Variants in ZMIZ1 observed in about 807,000 individuals in gnomAD.
ZMIZ1 encodes the protein zinc finger MIZ domain-containing protein 1.
A neutral mutation model predicts 113.9 loss-of-function variants in ZMIZ1; 17 were observed. The ratio of observed to expected loss-of-function variants is 0.15; its 90% CI spans 0.10 to 0.22. The LOEUF (loss-of-function observed/expected upper bound fraction) is 0.22, where lower values mean the gene tolerates loss of function less well. Among genes scored for constraint, ZMIZ1 ranks in the 10% least tolerant of loss-of-function variants. The pLI is 1.00. For synonymous variants in ZMIZ1, 607 were observed against 603.1 expected (o/e 1.01, Z -0.09); for missense variants, 1,059 against 1,477.8 (o/e 0.72, Z 4.65).
chr10:79,185,413 GT>G (rs775096948), intron 4 of ZMIZ1, among the ~76,000 whole-genome samples: 39 of 152,170 alleles, frequency 2.6e-4, no homozygotes, highest in Admixed American at 1.0e-3. Flanking sequence ...GACATGTTTT[GT>G]TTTTTCTTAT....
chr10:79,223,590 G>T (rs941408933), intron 7 of ZMIZ1, among the ~76,000 whole-genome samples: 1 of 152,350 alleles, frequency 6.6e-6, no homozygotes, highest in East Asian at 1.9e-4. Context: ...CTGTTCACGC[G>T]CTCACCTCCC....
intron 7 of ZMIZ1, among the ~76,000 whole-genome samples, chr10:79,263,327 G>A (rs1368393270): frequency 6.6e-6 from 1 of 152,204 alleles, no homozygotes; most frequent in African/African-American, 2.4e-5. Context: ...TGAGAGTCTT[G>A]GCAATTAACC....
intron 2 of ZMIZ1, among the ~76,000 whole-genome samples, chr10:79,125,322 C>T (rs750774381): frequency 5.3e-5 from 8 of 152,274 alleles, no homozygotes; most frequent in East Asian, 3.9e-4. Context: ...GAGACCAGCC[C>T]GGGGGCACAC....
rs1052987398 is a variant in ZMIZ1 at position 79,314,220 on chromosome 10, G to C, written c.*1471G>C. The C allele has an allele frequency of 6.6e-6, 3 of 456,972 alleles. No homozygotes were observed. Among genetic ancestry groups the C allele is most frequent in the African/African-American group, 2.0e-5 (1 of 50,106 alleles). 28.3% of individuals were successfully genotyped at this position (456,972 alleles called of 1,614,324 possible). ...CCTGTCCTGTGTTCACTTTGTTTCA[G>C]GCTGGTCTGTGCCCCGTGAGCCACA... On this transcript the variant is annotated 3_prime_UTR_variant, in exon 25 of 25. Coordinates refer to ENST00000334512, the MANE Select transcript of ZMIZ1 (RefSeq NM_020338.4).
chr10:79,094,266 G>T (rs921051104), intron 1 of ZMIZ1, among the ~76,000 whole-genome samples: 4 of 152,242 alleles, frequency 2.6e-5, no homozygotes, highest in African/African-American at 4.8e-5. Context: ...TGCATGCCAG[G>T]TGCAGAGCCC....
At chr10:79,293,299 T>A in intron 11 of ZMIZ1, 82 bp from the exon 12 acceptor site, 1,760 of 970,582 alleles carry the variant, frequency 1.8e-3, no homozygotes, top group Non-Finnish European at 2.2e-3. Context: ...TCCCCAACCC[T>A]TCCCTCCCTG....
chr10:79,257,431 A>G (rs1482424439), intron 7 of ZMIZ1, among the ~76,000 whole-genome samples: 1 of 152,256 alleles, frequency 6.6e-6, no homozygotes, highest in Non-Finnish European at 1.5e-5. Context: ...GAGTTGGTGT[A>G]TCTGGAACCA....
intron 7 of ZMIZ1, among the ~76,000 whole-genome samples, chr10:79,239,094 G>A (rs1464209872): frequency 6.6e-6 from 1 of 152,230 alleles, no homozygotes; most frequent in Non-Finnish European, 1.5e-5. Context: ...AGGGGGGAAA[G>A]GGAGTGGGGA....
intron 8 of ZMIZ1, among the ~76,000 whole-genome samples, chr10:79,279,718 T>C (rs2104419): frequency 0.55 from 84,000 of 152,036 alleles, 24,132 homozygotes; most frequent in African/African-American, 0.72. Flanking sequence ...TCCGGCACCT[T>C]GGGAGGCTGA....
intron 7 of ZMIZ1, among the ~76,000 whole-genome samples, chr10:79,223,432 G>T (rs989549943): frequency 6.6e-6 from 1 of 152,246 alleles, no homozygotes; most frequent in Non-Finnish European, 1.5e-5. Flanking sequence ...GCTCAGCAAA[G>T]CTGGGATGTT....
At chr10:79,263,836 T>C (rs763252681) in intron 7 of ZMIZ1, among the ~76,000 whole-genome samples, 45 of 152,156 alleles carry the variant, frequency 3.0e-4, no homozygotes, top group Admixed American at 4.6e-4. Context: ...CCAGGGTCTT[T>C]TTGACCCTAG....
intron 7 of ZMIZ1, among the ~76,000 whole-genome samples, chr10:79,275,561 C>A (rs1444044593): frequency 6.6e-6 from 1 of 152,350 alleles, no homozygotes; most frequent in East Asian, 1.9e-4. Context: ...CCCAGCCACT[C>A]CCGGTCACTG....
At chr10:79,105,797 G>A (rs1843533344) in intron 1 of ZMIZ1, among the ~76,000 whole-genome samples, 1 of 152,242 alleles carries the variant, frequency 6.6e-6, no homozygotes, top group Non-Finnish European at 1.5e-5. Context: ...CAAAAGTTGT[G>A]AATTGATTAT....
At chr10:79,079,297 C>T (rs1016021008) in intron 1 of ZMIZ1, among the ~76,000 whole-genome samples, 2 of 152,216 alleles carry the variant, frequency 1.3e-5, no homozygotes, top group Admixed American at 1.3e-4. Flanking sequence ...CTGTGGGCCC[C>T]CAGAACCTGT....
At chr10:79,311,825 G>A (rs1855190018) in intron 24 of ZMIZ1, among the ~76,000 whole-genome samples, 1 of 152,078 alleles carries the variant, frequency 6.6e-6, no homozygotes. Flanking sequence ...GCTGGATGGG[G>A]CTGGCGGGAT....
chr10:79,221,270 G>T (rs536546703), intron 7 of ZMIZ1, among the ~76,000 whole-genome samples: 1 of 149,504 alleles, frequency 6.7e-6, no homozygotes, highest in Admixed American at 6.6e-5. Flanking sequence ...GCATGCATGC[G>T]TGTGTGTGTG....
chr10:79,226,546 G>A lies in ZMIZ1; in HGVS notation c.280+10272G>A, dbSNP rs565159015. Among the ~76,000 whole-genome samples, 4 of 152,342 alleles carry A rather than the reference G, an allele frequency of 2.6e-5. No individual in the cohort carries two copies. The East Asian group carries it at 7.7e-4, about 29-fold the overall frequency. ...GCCATTGGCAGCAATTAATTCTGTA[G>A]AGGAAAGAGCCAGGTAAGAGGATTA... On this transcript the variant is annotated intron_variant, in intron 7 of 24. Transcript: ENST00000334512.
intron 4 of ZMIZ1, among the ~76,000 whole-genome samples, chr10:79,184,671 G>A (rs1847276292): frequency 6.6e-6 from 1 of 152,172 alleles, no homozygotes; most frequent in South Asian, 2.1e-4. Context: ...TTCTCTCTGG[G>A]AAGATGGGCT....
chr10:79,167,361 A>G (rs1846399092), intron 4 of ZMIZ1, among the ~76,000 whole-genome samples: 1 of 152,176 alleles, frequency 6.6e-6, no homozygotes, highest in Non-Finnish European at 1.5e-5. Flanking sequence ...GCTGTATTGC[A>G]CGGCGCATGC....
Sources: allele counts gnomAD v4.1 joint callset (sites outside exome capture counted in the v4.1 genomes callset), GRCh38; gene constraint gnomAD v4.1.1; transcripts MANE v1.5; gene names NCBI Gene and HGNC (gene_info 2026-07-23, HGNC 2026-07-21).